The following CEP85L variants were observed in gnomAD, a reference collection of about 807,000 sequenced individuals.
The protein encoded by CEP85L is centrosomal protein of 85 kDa-like.
Under a neutral mutation model 100.3 loss-of-function variants are expected in CEP85L, and 60 were observed. The observed-to-expected ratio is 0.60, with a 90% CI of 0.49 to 0.74. CEP85L has a LOEUF of 0.74. Ranked by LOEUF, CEP85L falls within the 30% of genes least tolerant of loss-of-function variation. The pLI, the probability that CEP85L is intolerant of heterozygous loss-of-function variation, is 0.00. For synonymous variants in CEP85L, 319 were observed against 322.7 expected (o/e 0.99, Z 0.12); for missense variants, 973 against 936.2 (o/e 1.04, Z -0.51).
chr6:118,599,912 C>T (rs372930658), intron 2 of CEP85L, among the ~76,000 whole-genome samples: 10 of 152,036 alleles, frequency 6.6e-5, no homozygotes, highest in Non-Finnish European at 8.8e-5. Flanking sequence ...AATGAGAAAC[C>T]GTCACAGACC....
intron 1 of CEP85L, among the ~76,000 whole-genome samples, chr6:118,694,039 G>GAA (rs869206059): frequency 1.3e-5 from 2 of 151,968 alleles, no homozygotes; most frequent in African/African-American, 4.8e-5. Context: ...AGAAGGAGGG[G>GAA]AAAAAAACCC....
intron 3 of CEP85L, among the ~76,000 whole-genome samples, chr6:118,561,799 T>C (rs1779239876): frequency 6.6e-6 from 1 of 152,164 alleles, no homozygotes; most frequent in African/African-American, 2.4e-5. Flanking sequence ...AGGGGTTTTT[T>C]TGGTGACTTT....
chr6:118,595,672 TATA>T (rs1273128489), intron 2 of CEP85L, among the ~76,000 whole-genome samples: 2 of 152,322 alleles, frequency 1.3e-5, no homozygotes, highest in East Asian at 1.9e-4. Flanking sequence ...ATGCATGAAG[TATA>T]ATAAGTGTGT....
chr6:118,502,663 C>T (rs1775384094), intron 5 of CEP85L: 3 of 466,244 alleles, frequency 6.4e-6, no homozygotes. Flanking sequence ...CAGGGAGCTC[C>T]AGCTCAATGA....
intron 5 of CEP85L, chr6:118,502,535 T>G: frequency 2.0e-6 from 1 of 487,940 alleles, no homozygotes; most frequent in South Asian, 1.8e-5. Context: ...ACTCTAATAC[T>G]CAAGATAGGC....
intron 3 of CEP85L, chr6:118,560,311 A>G (rs1779148721): frequency 6.0e-6 from 1 of 167,078 alleles, no homozygotes; most frequent in Admixed American, 6.5e-5. Flanking sequence ...TTTGCGTGTT[A>G]TATGTATTAT....
chr6:118,651,624 G>A (rs1284604300), upstream of CEP85L: 72 of 1,040,880 alleles, frequency 6.9e-5, no homozygotes, highest in African/African-American at 8.5e-5. Context: ...CAGAGCCGGG[G>A]CTGGGGCCGC....
chr6:118,604,977 A>C (rs1221301968), intron 2 of CEP85L, among the ~76,000 whole-genome samples: 4 of 152,204 alleles, frequency 2.6e-5, no homozygotes, highest in Non-Finnish European at 5.9e-5. Context: ...TTTCTAAGCC[A>C]ATCAATTAGA....
chr6:118,507,741 C>T (rs764506849), intron 5 of CEP85L, among the ~76,000 whole-genome samples: 1 of 152,192 alleles, frequency 6.6e-6, no homozygotes, highest in Non-Finnish European at 1.5e-5. Context: ...TATTCCTTCA[C>T]CCCCTTCACC....
intron 1 of CEP85L, among the ~76,000 whole-genome samples, chr6:118,665,906 C>A (rs567656141): frequency 1.2e-4 from 18 of 152,246 alleles, no homozygotes; most frequent in African/African-American, 3.9e-4. Flanking sequence ...CCTTTACATC[C>A]CCCTGGTGTT....
At chr6:118,502,373 G>A in intron 5 of CEP85L, 3 of 525,032 alleles carry the variant, frequency 5.7e-6, no homozygotes, top group Middle Eastern at 6.2e-4. Flanking sequence ...CATATGTTAA[G>A]ACAGATAGTT....
chr6:118,612,673 AAGCGGGGG>A (rs1328933937), intron 2 of CEP85L, among the ~76,000 whole-genome samples: 1 of 6,750 alleles, frequency 1.5e-4, no homozygotes, highest in African/African-American at 4.4e-4. Context: ...AAAAAAAAAA[AAGCGGGGG>A]GGGGGGGGGG....
Position 118,643,402 on chromosome 6 carries a change from T to C in CEP85L, c.73+7795A>G, listed in dbSNP as rs536864004. Among the ~76,000 whole-genome samples, 7 of 152,324 alleles carry C rather than the reference T, an allele frequency of 4.6e-5. No homozygotes were observed. In the South Asian group the frequency reaches 1.5e-3, roughly 32 times the overall value. On this transcript the variant is annotated intron_variant, in intron 1 of 12. Coordinates refer to ENST00000368491, the MANE Select transcript of CEP85L (RefSeq NM_001042475.3). ...AACTGGTAGAAAATGCTAAACTACA[T>C]GAAACATAGTCCAAATCTTTCATCC...
chr6:118,577,083 C>T (rs1002094033), intron 2 of CEP85L, among the ~76,000 whole-genome samples: 2 of 152,098 alleles, frequency 1.3e-5, no homozygotes, highest in African/African-American at 4.8e-5. Flanking sequence ...AGTGAAAAGC[C>T]CTGCAGGTCG....
At chr6:118,533,317 A>G (rs551547430) in intron 3 of CEP85L, among the ~76,000 whole-genome samples, 217 of 152,312 alleles carry the variant, frequency 1.4e-3, no homozygotes, top group African/African-American at 4.8e-3. Flanking sequence ...CATTAAAAAG[A>G]TAAGGTAATT....
intron 1 of CEP85L, among the ~76,000 whole-genome samples, chr6:118,685,138 T>C (rs1299119497): frequency 6.6e-6 from 1 of 152,260 alleles, no homozygotes; most frequent in Admixed American, 6.5e-5. Flanking sequence ...AATTTAGCTT[T>C]ACTTAGTTGT....
chr6:118,652,730 GT>G, upstream of CEP85L: 1 of 1,545,702 alleles, frequency 6.5e-7, no homozygotes, highest in South Asian at 1.2e-5. Flanking sequence ...TCTGATTGGA[GT>G]TTTACATTTA....
intron 2 of CEP85L, among the ~76,000 whole-genome samples, chr6:118,579,260 G>T (rs1780424729): frequency 6.8e-6 from 1 of 147,666 alleles, no homozygotes; most frequent in African/African-American, 2.5e-5. Context: ...CCAGATTACT[G>T]CCAATTTAAA....
intron 2 of CEP85L, among the ~76,000 whole-genome samples, chr6:118,607,053 G>C (rs1482539472): frequency 1.3e-5 from 2 of 152,094 alleles, no homozygotes; most frequent in Non-Finnish European, 2.9e-5. Context: ...TGGGGGCCAA[G>C]CTGCATCATA....
Sources: allele counts gnomAD v4.1 joint callset (sites outside exome capture counted in the v4.1 genomes callset), GRCh38; gene constraint gnomAD v4.1.1; transcripts MANE v1.5; gene names NCBI Gene and HGNC (gene_info 2026-07-23, HGNC 2026-07-21).